The following SP100 variants were observed in gnomAD, a reference collection of about 807,000 sequenced individuals.
SP100 encodes SP100 nuclear body protein.
SP100 carries 84 observed loss-of-function variants against 130.0 expected under a neutral mutation model. That is an observed-to-expected ratio of 0.65 (90% CI 0.54 to 0.77). SP100 has a LOEUF of 0.77. Among genes scored for constraint, SP100 ranks in the 30% least tolerant of loss-of-function variants. SP100 has a pLI of 0.00. For missense variants in SP100, 978 were observed against 1,052.2 expected (o/e 0.93, Z 0.97); for synonymous variants, 331 against 351.7 (o/e 0.94, Z 0.66).
intron 2 of SP100, among the ~76,000 whole-genome samples, chr2:230,427,927 A>C (rs2062984203): frequency 6.6e-6 from 1 of 152,120 alleles, no homozygotes; most frequent in Non-Finnish European, 1.5e-5. Flanking sequence ...ACATTCTCAC[A>C]CTGCTCTAAA....
chr2:230,444,502 C>A (rs17273810), intron 4 of SP100, among the ~76,000 whole-genome samples, 156 bp downstream of exon 4: 17,394 of 152,082 alleles, frequency 0.11, 1,109 homozygotes, highest in African/African-American at 0.17. Flanking sequence ...TAGCTCATGG[C>A]GTATGGCTAT....
chr2:230,421,064 ATGT>A (rs147653139), intron 2 of SP100, among the ~76,000 whole-genome samples: 13,790 of 152,118 alleles, frequency 0.091, 700 homozygotes, highest in Non-Finnish European at 0.1. Context: ...GACTATTTAC[ATGT>A]TGTTCATAAC....
rs1265785614 is a variant in SP100, at chr2:230,500,125, AGTCCC to A, written c.1720+1591_1720+1595del. On this transcript the variant is annotated intron_variant, in intron 19 of 28. Transcript: ENST00000340126. ...ATATACTCTTTTGCCAAGAATGATTAGTCCCTGCTATGAAAAAATATATATTTTAA... is the reference window on the plus strand; with the variant it reads ...ATATACTCTTTTGCCAAGAATGATTATGCTATGAAAAAATATATATTTTAA... 2.2e-3 allele frequency among the ~76,000 whole-genome samples: 335 copies of A among 152,348 alleles called. 1 individual carries two copies. The highest frequency in any genetic ancestry group is 7.5e-3 in the African/African-American group (313 of 41,582).
At chr2:230,484,219 G>A (rs1449351149) in intron 17 of SP100, among the ~76,000 whole-genome samples, 1 of 152,240 alleles carries the variant, frequency 6.6e-6, no homozygotes, top group Admixed American at 6.5e-5. Context: ...AGAAGGCAAA[G>A]CATCACCTTG....
At chr2:230,434,855 T>C (rs1015449509) in intron 2 of SP100, among the ~76,000 whole-genome samples, 1 of 152,156 alleles carries the variant, frequency 6.6e-6, no homozygotes, top group African/African-American at 2.4e-5. Flanking sequence ...GAGGCGAGTG[T>C]GGCCCGACAG....
At position 230,544,243 on chromosome 2, in the gene SP100, A is replaced by T. The variant is rs1264270011; in HGVS notation, c.*1297A>T. 6.6e-6 allele frequency among the ~76,000 whole-genome samples: 1 copy of T among 152,218 alleles called. No homozygotes were observed. Among genetic ancestry groups the T allele is most frequent in the Non-Finnish European group, 1.5e-5 (1 of 68,040 alleles). Reference sequence around the variant, plus strand: ...GGACATAGGAACAGGCAAAGATTTCATGATAAAGACAAAAGCAATAGCAAC... The same window carrying T: ...GGACATAGGAACAGGCAAAGATTTCTTGATAAAGACAAAAGCAATAGCAAC... On this transcript the variant is annotated 3_prime_UTR_variant, in exon 29 of 29. Transcript: ENST00000340126.
chr2:230,497,597 G>T (rs2066766750), intron 18 of SP100, among the ~76,000 whole-genome samples: 1 of 141,828 alleles, frequency 7.1e-6, no homozygotes. Context: ...GAAAGGAAAG[G>T]AAAGGAAAGG....
In SP100 at chr2:230,532,937, C is replaced by T. The variant is rs527612767; in HGVS notation, c.2095-6330C>T. ...CTGGGATTACAGGCGCCCACCACCACGCCTGGCTAATTTTTGTATTTTTAG... is the reference window on the plus strand; with the variant it reads ...CTGGGATTACAGGCGCCCACCACCATGCCTGGCTAATTTTTGTATTTTTAG... On this transcript the variant is annotated intron_variant, in intron 24 of 28. Transcript: ENST00000340126. Among the ~76,000 whole-genome samples the T allele has an allele frequency of 3.9e-5, 6 of 152,102 alleles. No homozygotes were observed. In the South Asian group the frequency reaches 6.2e-4, roughly 16 times the overall value.
chr2:230,535,159 G>A (rs1010183892), intron 24 of SP100, among the ~76,000 whole-genome samples: 7 of 151,828 alleles, frequency 4.6e-5, no homozygotes, highest in Non-Finnish European at 1.0e-4. Flanking sequence ...TTGTGCCACT[G>A]CACTCTAGCC....
chr2:230,534,179 G>A (rs1232999531), intron 24 of SP100, among the ~76,000 whole-genome samples: 1 of 152,148 alleles, frequency 6.6e-6, no homozygotes, highest in Non-Finnish European at 1.5e-5. Context: ...AGGCTGAGGT[G>A]GGTGGATCAG....
At chr2:230,494,563 G>A (rs549307610) in intron 18 of SP100, 103 bp downstream of exon 18, 11 of 813,976 alleles carry the variant, frequency 1.4e-5, no homozygotes, top group African/African-American at 5.2e-5. Context: ...TATGGGCCAC[G>A]GTAGCTTCAG....
rs1426710007 is a variant in SP100, at chr2:230,541,212, T to C, written c.2332-89T>C. The C allele has an allele frequency of 4.5e-6, 6 of 1,322,648 alleles. No individual in the cohort carries two copies. In the Admixed American group the frequency reaches 1.1e-4, roughly 25 times the overall value. The allele number at this position is 1,322,648 out of a possible 1,614,324, so 81.9% of individuals were successfully genotyped here. ...ATGTTTGTTTCAAAGAGTCCACAGG[T>C]TTGGGAGTCGTGTGTTCTCTTTGGG... is the stretch of plus-strand genomic sequence containing the variant. On this transcript the variant is annotated intron_variant, in intron 26 of 28. Coordinates refer to ENST00000340126, the MANE Select transcript of SP100 (RefSeq NM_001080391.2).
intron 2 of SP100, among the ~76,000 whole-genome samples, chr2:230,426,736 A>G (rs1216215248): frequency 6.6e-6 from 1 of 152,110 alleles, no homozygotes; most frequent in East Asian, 1.9e-4. Context: ...CTGTTGAATG[A>G]AGTGTTCTAT....
chr2:230,463,953 A>T (rs2064799753), intron 10 of SP100, 114 bp from the exon 11 acceptor site: 9 of 688,152 alleles, frequency 1.3e-5, no homozygotes, highest in Non-Finnish European at 2.4e-5. Flanking sequence ...TGTACAGGCG[A>T]GGACTTGCAC....
chr2:230,511,349 T>G (rs796663090), intron 24 of SP100, among the ~76,000 whole-genome samples, 183 bp downstream of exon 24: 11 of 152,298 alleles, frequency 7.2e-5, no homozygotes, highest in African/African-American at 2.6e-4. Flanking sequence ...AAAAGCAGCC[T>G]TTTGTTTCAG....
intron 17 of SP100, among the ~76,000 whole-genome samples, chr2:230,491,751 C>T (rs181138943): frequency 6.6e-6 from 1 of 152,330 alleles, no homozygotes; most frequent in African/African-American, 2.4e-5. Flanking sequence ...ACAAGGATTA[C>T]AATTCAACAT....
intron 2 of SP100, among the ~76,000 whole-genome samples, chr2:230,425,013 G>A (rs1372773115): frequency 6.6e-6 from 1 of 151,360 alleles, no homozygotes; most frequent in Non-Finnish European, 1.5e-5. Context: ...CCTTTCTTTT[G>A]GTGTTATTGA....
intron 24 of SP100, among the ~76,000 whole-genome samples, chr2:230,533,650 A>G (rs1023899461): frequency 6.6e-5 from 10 of 152,218 alleles, no homozygotes; most frequent in African/African-American, 1.7e-4. Flanking sequence ...GCCAGAAATT[A>G]AAACTATTCA....
chr2:230,497,544 G>GGAAAGGAAATGAA (rs2066755247), intron 18 of SP100, among the ~76,000 whole-genome samples: 1 of 19,274 alleles, frequency 5.2e-5, no homozygotes, highest in African/African-American at 1.9e-4. Flanking sequence ...GAGGAGAGGA[G>GGAAAGGAAATGAA]AGGAAAGGAA....
Sources: gnomAD v4.1 joint callset for allele counts (sites outside exome capture counted in the v4.1 genomes callset) on GRCh38, gnomAD v4.1.1 for gene constraint, MANE v1.5 for transcripts, NCBI Gene and HGNC (gene_info 2026-07-23, HGNC 2026-07-21) for gene names.